Variants in IL7 observed in about 807,000 individuals in gnomAD.
The protein encoded by IL7 is interleukin 7.
A neutral mutation model predicts 21.6 loss-of-function variants in IL7; 3 were observed. That is an observed-to-expected ratio of 0.14 (90% CI 0.06 to 0.36). The LOEUF (loss-of-function observed/expected upper bound fraction) is 0.36, where lower values mean the gene tolerates loss of function less well. Among genes scored for constraint, IL7 ranks in the 10% least tolerant of loss-of-function variants. The pLI is 1.00. For synonymous variants in IL7, 62 were observed against 68.1 expected (o/e 0.91, Z 0.44); for missense variants, 175 against 200.2 (o/e 0.87, Z 0.76).
At chr8:78,758,965 A>G (rs989539286) in intron 2 of IL7, among the ~76,000 whole-genome samples, 7 of 151,648 alleles carry the variant, frequency 4.6e-5, no homozygotes, top group African/African-American at 7.3e-5. Context: ...CCATTTTCTT[A>G]TTCTTATGGA....
At chr8:78,684,114 G>A (rs1026600666) in intron 4 of IL7, among the ~76,000 whole-genome samples, 4 of 152,248 alleles carry the variant, frequency 2.6e-5, no homozygotes, top group South Asian at 2.1e-4. Context: ...GCCTCTGCTC[G>A]TTACCCAGTT....
downstream of IL7, among the ~76,000 whole-genome samples, chr8:78,729,567 T>G (rs1811388348): frequency 6.6e-6 from 1 of 151,972 alleles, no homozygotes; most frequent in Non-Finnish European, 1.5e-5. Context: ...ACAAATCCAT[T>G]TTTTTTCTTC....
chr8:78,723,468 AAAAT>A (rs953905642), intron 3 of IL7, among the ~76,000 whole-genome samples: 3 of 152,092 alleles, frequency 2.0e-5, no homozygotes, highest in African/African-American at 7.2e-5. Context: ...CATCTTGTTG[AAAAT>A]AAATAACGAT....
rs1810047232 is a variant in IL7 at position 78,687,680 on chromosome 8, TTATATATATTTACGTAATACATTA to T, written n.215-1757_215-1734del. Among the ~76,000 whole-genome samples, 2 of 116,942 alleles carry T rather than the reference TTATATATATTTACGTAATACATTA, an allele frequency of 1.7e-5. 1 individual carries two copies. The highest frequency in any genetic ancestry group is 6.1e-5 in the African/African-American group (2 of 32,596). 76.7% of individuals were successfully genotyped at this position (116,942 alleles called of 152,430 possible). The stretch of plus-strand genomic sequence containing the variant: ...ACATTATATATATTTACGTAATACA[TTATATATATTTACGTAATACATTA>T]TATATATATTTACGTAATACATTAT... On this transcript the variant is annotated intron_variant and non_coding_transcript_variant, in intron 3 of 4. Coordinates refer to the IL7 transcript ENST00000523959.
At chr8:78,763,836 G>GC (rs1812660866) in intron 2 of IL7, among the ~76,000 whole-genome samples, 1 of 152,016 alleles carries the variant, frequency 6.6e-6, no homozygotes, top group Non-Finnish European at 1.5e-5. Context: ...TATAAGGCCA[G>GC]CATTACCCTA....
intron 2 of IL7, among the ~76,000 whole-genome samples, chr8:78,742,252 A>G (rs1053004039): frequency 5.9e-5 from 9 of 152,048 alleles, no homozygotes. Flanking sequence ...TGAACCTGGG[A>G]GGCGGAGCTT....
At chr8:78,798,543 A>C (rs1211729307) in intron 1 of IL7, among the ~76,000 whole-genome samples, 1 of 152,090 alleles carries the variant, frequency 6.6e-6, no homozygotes, top group Non-Finnish European at 1.5e-5. Context: ...AAAGGCATAT[A>C]CAGGTAAAGA....
At chr8:78,759,992 A>G (rs1253392253) in intron 2 of IL7, 7 of 461,282 alleles carry the variant, frequency 1.5e-5, no homozygotes, top group Non-Finnish European at 2.2e-5. Flanking sequence ...GAGTTCAAAC[A>G]GGGGCCATTT....
In IL7 at chr8:78,800,383, A is replaced by C. The variant is rs148100531; in HGVS notation, c.11-2175T>G. Among the ~76,000 whole-genome samples the C allele has an allele frequency of 2.3e-4, 35 of 152,182 alleles. No homozygotes were observed. The East Asian group carries it at 2.3e-3, about 10-fold the overall frequency. ...CATGATCATAGCTCACTGAAGCCTC[A>C]AATTCCTAGGTTCAAGCGATCCTCC... On this transcript the variant is annotated intron_variant, in intron 1 of 5. Transcript: ENST00000263851.
At chr8:78,710,534 A>T (rs761788844) in intron 3 of IL7, among the ~76,000 whole-genome samples, 1 of 152,034 alleles carries the variant, frequency 6.6e-6, no homozygotes, top group Admixed American at 6.6e-5. Context: ...TATAAGAGGA[A>T]TATGTTTTTA....
intron 3 of IL7, among the ~76,000 whole-genome samples, chr8:78,694,162 T>G (rs1364085627): frequency 6.6e-6 from 1 of 152,184 alleles, no homozygotes; most frequent in Non-Finnish European, 1.5e-5. Flanking sequence ...TTTTATAGTT[T>G]GCAATTTTCC....
chr8:78,706,677 T>G (rs1810784338), intron 3 of IL7, among the ~76,000 whole-genome samples: 1 of 152,216 alleles, frequency 6.6e-6, no homozygotes, highest in Non-Finnish European at 1.5e-5. Flanking sequence ...ATGTTTCAGA[T>G]GAAGGTGCTG....
intron 2 of IL7, among the ~76,000 whole-genome samples, chr8:78,764,250 A>G (rs1254287003): frequency 6.6e-6 from 1 of 152,016 alleles, no homozygotes; most frequent in Non-Finnish European, 1.5e-5. Context: ...CTTAATAATA[A>G]GAAATTTGTA....
chr8:78,677,215 C>T (rs757261034), intron 4 of IL7, among the ~76,000 whole-genome samples: 15 of 152,010 alleles, frequency 9.9e-5, no homozygotes, highest in Non-Finnish European at 1.8e-4. Context: ...TTTAGTTTAC[C>T]GATGTCATCA....
chr8:78,759,299 AT>A (rs906437713), intron 2 of IL7, among the ~76,000 whole-genome samples: 1 of 151,684 alleles, frequency 6.6e-6, no homozygotes, highest in African/African-American at 2.4e-5. Context: ...TTCACCAAAA[AT>A]AACAGCAATA....
chr8:78,805,081 G>A lies in IL7; in HGVS notation c.-159C>T. ...AGCTGGTTCCTCTTACCCACGCCGC[G>A]ACTGCAGTTTCATCCATCCCAAGGG... On this transcript the variant is annotated 5_prime_UTR_variant, in exon 1 of 6. Coordinates refer to ENST00000263851, the MANE Select transcript of IL7 (RefSeq NM_000880.4). The A allele has an allele frequency of 1.4e-6, 1 of 695,414 alleles. No individual in the cohort carries two copies. The highest frequency in any genetic ancestry group is 2.0e-5 in the South Asian group (1 of 48,996). 43.1% of individuals were successfully genotyped at this position (695,414 alleles called of 1,614,324 possible).
At chr8:78,761,953 T>C in intron 2 of IL7, 1 of 1,610,530 alleles carries the variant, frequency 6.2e-7, no homozygotes, top group South Asian at 1.1e-5. Flanking sequence ...TTTCCTTCTC[T>C]TCAAGGGTTA....
chr8:78,735,276 C>CTTTTTTTTTTTTTTTTTCTTTTTT, intron 5 of IL7, among the ~76,000 whole-genome samples: 1 of 78,516 alleles, frequency 1.3e-5, no homozygotes, highest in Non-Finnish European at 2.3e-5. Context: ...CTTTTCTTTT[C>CTTTTTTTTTTTTTTTTTCTTTTTT]TTTTTTTTTT....
chr8:78,761,005 T>C (rs577467037), intron 2 of IL7: 39 of 1,606,260 alleles, frequency 2.4e-5, no homozygotes, highest in Non-Finnish European at 3.2e-5. Flanking sequence ...CAAAATCTGT[T>C]ACTGCACTGC....
Sources: allele counts gnomAD v4.1 joint callset (sites outside exome capture counted in the v4.1 genomes callset), GRCh38; gene constraint gnomAD v4.1.1; transcripts MANE v1.5; gene names NCBI Gene and HGNC (gene_info 2026-07-23, HGNC 2026-07-21).